Variants in TENM4 observed in about 807,000 individuals in gnomAD.
TENM4 encodes the protein teneurin transmembrane protein 4, also known as teneurin-4.
TENM4 carries 82 observed loss-of-function variants against 243.3 expected under a neutral mutation model. The ratio of observed to expected loss-of-function variants is 0.34; its 90% confidence interval spans 0.28 to 0.40. The LOEUF (loss-of-function observed/expected upper bound fraction) is 0.40, where lower values mean the gene tolerates loss of function less well. TENM4 is among the 10% of genes least tolerant of loss of function. The pLI, the probability that TENM4 is intolerant of heterozygous loss-of-function variation, is 1.00. For missense variants in TENM4, 3,138 were observed against 3,673.3 expected (o/e 0.85, Z 3.77); for synonymous variants, 1,412 against 1,456.3 (o/e 0.97, Z 0.69).
chr11:79,359,512 G>A (rs1199342568), intron 1 of TENM4, among the ~76,000 whole-genome samples: 1 of 152,152 alleles, frequency 6.6e-6, no homozygotes, highest in Admixed American at 6.5e-5. Flanking sequence ...AAGCTGGGTG[G>A]TGAATACATG....
chr11:79,385,957 C>A (rs1049334396), intron 1 of TENM4, among the ~76,000 whole-genome samples: 2 of 152,060 alleles, frequency 1.3e-5, no homozygotes, highest in Non-Finnish European at 2.9e-5. Context: ...CAATCCCCCT[C>A]AAAAAAACAG....
intron 2 of TENM4, among the ~76,000 whole-genome samples, chr11:79,217,003 C>T (rs972053717): frequency 2.0e-5 from 3 of 152,160 alleles, no homozygotes; most frequent in East Asian, 1.9e-4. Flanking sequence ...GACTTCCCCC[C>T]TCTAAGCCTC....
In TENM4 at chr11:78,669,836, T is replaced by C. The variant is rs1464613220; in HGVS notation, c.6509A>G (p.Tyr2170Cys). 6.2e-7 allele frequency: 1 copy of C among 1,613,898 alleles called. No individual in the cohort carries two copies. The highest frequency in any genetic ancestry group is 1.7e-5 in the Admixed American group (1 of 59,998). Residue 2170 changes from tyrosine to cysteine, a missense_variant, in exon 32 of 34, where the codon TAT (tyrosine) becomes TGT (cysteine). Coordinates refer to ENST00000278550, the MANE Select transcript of TENM4 (RefSeq NM_001098816.3). This position sits in a 1 kb window ranked among gnomAD's most constrained non-coding sequence, Gnocchi z 6.4. ...RSLMYWMTVQ[Y>C]DNMGRVVKKE... ...CTTCACTACTCGCCCCATGTTATCA[T>C]ACTGGACGGTCATCCAGTACATGAG... is the stretch of plus-strand genomic sequence containing the variant.
At chr11:79,017,521 G>A (rs2196071) in intron 6 of TENM4, among the ~76,000 whole-genome samples, 1 of 152,072 alleles carries the variant, frequency 6.6e-6, no homozygotes, top group Non-Finnish European at 1.5e-5. Context: ...GAAACCCTGA[G>A]AGGATACACA....
intron 6 of TENM4, among the ~76,000 whole-genome samples, chr11:79,031,675 G>C (rs1314314925): frequency 6.6e-6 from 1 of 152,220 alleles, no homozygotes; most frequent in Non-Finnish European, 1.5e-5. Flanking sequence ...TGGAAGGACA[G>C]TGGGACTTGT....
intron 1 of TENM4, among the ~76,000 whole-genome samples, chr11:79,325,839 C>T (rs929025387): frequency 1.1e-4 from 16 of 152,338 alleles, no homozygotes; most frequent in African/African-American, 3.8e-4. Flanking sequence ...GTAGAAGTTA[C>T]ACCACCACAC....
chr11:78,889,719 C>T (rs1308450762), intron 9 of TENM4, 66 bp downstream of exon 9: 17 of 1,490,400 alleles, frequency 1.1e-5, no homozygotes, highest in South Asian at 5.0e-5. Context: ...AGTGCCCACA[C>T]GTGTCTTGGT....
intron 7 of TENM4, among the ~76,000 whole-genome samples, chr11:78,898,332 G>T (rs964519290): frequency 2.6e-5 from 4 of 152,110 alleles, no homozygotes; most frequent in Non-Finnish European, 5.9e-5. Context: ...AATCCCTCTT[G>T]GTCATTCTAC....
chr11:79,038,865 C>G (rs1859449700), intron 6 of TENM4, among the ~76,000 whole-genome samples: 1 of 152,086 alleles, frequency 6.6e-6, no homozygotes, highest in Admixed American at 6.5e-5. Flanking sequence ...AGGGAAAGAG[C>G]TTTCATACTG....
chr11:79,119,723 G>C (rs1029967296), intron 4 of TENM4, among the ~76,000 whole-genome samples: 1 of 152,152 alleles, frequency 6.6e-6, no homozygotes, highest in East Asian at 1.9e-4. Flanking sequence ...ACAGCCTCTT[G>C]CTCCAATGGG....
chr11:78,732,180 T>A, intron 21 of TENM4, 136 bp downstream of exon 21: 1 of 1,285,564 alleles, frequency 7.8e-7, no homozygotes, highest in Non-Finnish European at 1.0e-6. Context: ...GGTGGCTGGA[T>A]TTTGCATAAC....
At chr11:79,025,041 G>A (rs191874730) in intron 6 of TENM4, among the ~76,000 whole-genome samples, 412 of 152,284 alleles carry the variant, frequency 2.7e-3, no homozygotes, top group African/African-American at 9.6e-3. Flanking sequence ...TTGAGAATTG[G>A]CATGCTCCTT....
chr11:79,063,318 T>G (rs1860148592), intron 6 of TENM4, among the ~76,000 whole-genome samples: 1 of 152,150 alleles, frequency 6.6e-6, no homozygotes, highest in South Asian at 2.1e-4. Flanking sequence ...CCTGCCCTGA[T>G]CCAGGGGAAT....
intron 17 of TENM4, among the ~76,000 whole-genome samples, chr11:78,771,477 T>C (rs1221598476): frequency 3.9e-5 from 6 of 152,154 alleles, no homozygotes; most frequent in African/African-American, 1.4e-4. Context: ...ATCTAACCAA[T>C]GGAGCTTTTT....
At chr11:78,661,888 C>T (rs1016100101) in intron 32 of TENM4, among the ~76,000 whole-genome samples, 2 of 152,166 alleles carry the variant, frequency 1.3e-5, no homozygotes, top group Admixed American at 6.5e-5. Flanking sequence ...GCTTCATACC[C>T]GGGGCAGCTG....
In TENM4 at chr11:79,148,732, G is replaced by A. The variant is rs1565224392; in HGVS notation, c.-88C>T. 1 of 973,412 alleles carries A rather than the reference G, an allele frequency of 1.0e-6. No homozygotes were observed. The highest frequency in any genetic ancestry group is 1.2e-6 in the Non-Finnish European group (1 of 818,984). 60.3% of individuals were successfully genotyped at this position (973,412 alleles called of 1,614,324 possible). ...CACTTTTCTTTAAATCTTCTTAAAAGGGTCTAAGAATAGTCCTTCAAATAA... is the reference window on the plus strand; with the variant it reads ...CACTTTTCTTTAAATCTTCTTAAAAAGGTCTAAGAATAGTCCTTCAAATAA... On this transcript the variant is annotated 5_prime_UTR_variant, in exon 4 of 34. Transcript: ENST00000278550.
intron 2 of TENM4, among the ~76,000 whole-genome samples, chr11:79,248,616 T>G (rs1855559374): frequency 6.6e-6 from 1 of 152,128 alleles, no homozygotes; most frequent in East Asian, 1.9e-4. Flanking sequence ...GGGGAAAAAG[T>G]CTTCAAATAC....
chr11:79,057,692 A>G (rs1418009453), intron 6 of TENM4, among the ~76,000 whole-genome samples: 1 of 152,208 alleles, frequency 6.6e-6, no homozygotes. Flanking sequence ...GAACCCCAGT[A>G]TTTAAAACAG....
intron 1 of TENM4, among the ~76,000 whole-genome samples, chr11:79,416,377 C>A (rs535339145): frequency 2.0e-5 from 3 of 152,162 alleles, no homozygotes; most frequent in Non-Finnish European, 4.4e-5. Flanking sequence ...CTCACCAACA[C>A]GTGTATGGTC....
Sources: gnomAD v4.1 joint callset for allele counts (sites outside exome capture counted in the v4.1 genomes callset) on GRCh38, gnomAD v4.1.1 for gene constraint, Gnocchi (gnomAD v3.1) non-coding constraint, MANE v1.5 for transcripts, NCBI Gene and HGNC (gene_info 2026-07-23, HGNC 2026-07-21) for gene names.